Variants in NANP observed in about 807,000 individuals in gnomAD.
NANP encodes the protein N-acetylneuraminic acid phosphatase, also known as N-acylneuraminate-9-phosphatase.
A neutral mutation model predicts 16.9 loss-of-function variants in NANP; 15 were observed. The ratio of observed to expected loss-of-function variants is 0.89; its 90% CI spans 0.59 to 1.37. NANP has a LOEUF of 1.37. NANP is among the 40% of genes most tolerant of loss of function. NANP has a pLI of 0.00. For missense variants in NANP, 290 were observed against 303.5 expected (o/e 0.96, Z 0.33); for synonymous variants, 135 against 112.6 (o/e 1.20, Z -1.26).
chr20:25,619,384 G>C (rs948650506), intron 1 of NANP, among the ~76,000 whole-genome samples: 1 of 152,042 alleles, frequency 6.6e-6, no homozygotes, highest in Non-Finnish European at 1.5e-5. Flanking sequence ...GCCTTCCAAA[G>C]TGCTGGGAAT....
chr20:25,616,811 T>C (rs139069695), intron 1 of NANP, among the ~76,000 whole-genome samples: 1 of 152,316 alleles, frequency 6.6e-6, no homozygotes, highest in African/African-American at 2.4e-5. Context: ...AACTTCTTCA[T>C]ATATAGCTAG....
At chr20:25,623,734 G>T in intron 1 of NANP, 125 bp downstream of exon 1, 1 of 955,518 alleles carries the variant, frequency 1.0e-6, no homozygotes, top group Non-Finnish European at 1.5e-6. Flanking sequence ...ACGCTCCACA[G>T]GTTTCAACCA....
chr20:25,617,569 T>G (rs1168828857), intron 1 of NANP, among the ~76,000 whole-genome samples: 1 of 152,036 alleles, frequency 6.6e-6, no homozygotes, highest in East Asian at 1.9e-4. Flanking sequence ...CAGGCTGGAG[T>G]GCAGTGGTGC....
chr20:25,620,888 A>G (rs1456407875), intron 1 of NANP, among the ~76,000 whole-genome samples: 1 of 151,986 alleles, frequency 6.6e-6, no homozygotes, highest in Non-Finnish European at 1.5e-5. Context: ...GTGCTAAGTG[A>G]AAATGCTATA....
chr20:25,618,072 A>T (rs2065350550), intron 1 of NANP, among the ~76,000 whole-genome samples: 1 of 152,090 alleles, frequency 6.6e-6, no homozygotes, highest in Non-Finnish European at 1.5e-5. Context: ...CTGCATCCAT[A>T]CCTGCTTACT....
At chr20:25,616,646 T>C in intron 1 of NANP, 65 bp from the exon 2 acceptor site, 2 of 1,315,028 alleles carry the variant, frequency 1.5e-6, no homozygotes, top group Non-Finnish European at 2.1e-6. Flanking sequence ...CCTAGGAAGC[T>C]GTGATCCTAC....
intron 1 of NANP, among the ~76,000 whole-genome samples, chr20:25,622,482 T>A (rs2065368939): frequency 6.6e-6 from 1 of 152,204 alleles, no homozygotes; most frequent in Non-Finnish European, 1.5e-5. Context: ...TATTCAAATG[T>A]CTGATTTTAA....
Position 25,615,714 on chromosome 20 carries a change from A to T in NANP, c.*211T>A, listed in dbSNP as rs1368283534. ...CTATACTACTGACCTGAATTCATGC[A>T]ATCTGAATTTTCAGATATAAGTACC... On this transcript the variant is annotated 3_prime_UTR_variant, in exon 2 of 2. Coordinates refer to ENST00000304788, the MANE Select transcript of NANP (RefSeq NM_152667.3). The T allele has an allele frequency of 1.9e-6, 1 of 529,842 alleles. No individual in the cohort carries two copies. The highest frequency in any genetic ancestry group is 3.1e-5 in the South Asian group (1 of 31,810). The allele number at this position is 529,842 out of a possible 1,614,324, so 32.8% of individuals were successfully genotyped here.
In NANP at chr20:25,616,523, T is replaced by C; in HGVS notation, c.149A>G (p.Asp50Gly). The change falls in exon 2 of 2, where the codon GAT (aspartate) becomes GGT (glycine). Residue 50 changes from aspartate to glycine, a missense_variant. Physicochemically the swap from Asp to Gly is moderately conservative, Grantham distance 94 (BLOSUM62 -1). Coordinates refer to ENST00000304788, the MANE Select transcript of NANP (RefSeq NM_152667.3). ...CTTGCTGAGTTTAACTTGAACTTTA[T>C]CACAGATGATTTCAGCCTCTTCTTT... is the stretch of plus-strand genomic sequence containing the variant. ...HYKEEAEIICDKVQVKLSKEC... is the reference protein window; with the variant it reads ...HYKEEAEIICGKVQVKLSKEC... 6.2e-7 allele frequency: 1 copy of C among 1,612,020 alleles called. No homozygotes were observed. Among genetic ancestry groups the C allele is most frequent in the Non-Finnish European group, 8.5e-7 (1 of 1,179,212 alleles).
At chr20:25,620,010 T>A (rs1322905696) in intron 1 of NANP, among the ~76,000 whole-genome samples, 1 of 152,192 alleles carries the variant, frequency 6.6e-6, no homozygotes, top group Admixed American at 6.5e-5. Flanking sequence ...TCAATTAACT[T>A]CCTCATTTTG....
At chr20:25,618,843 T>C (rs968806539) in intron 1 of NANP, among the ~76,000 whole-genome samples, 1 of 152,100 alleles carries the variant, frequency 6.6e-6, no homozygotes, top group African/African-American at 2.4e-5. Flanking sequence ...CTTCCCCTTC[T>C]TGTCTCCCCG....
At chr20:25,618,163 G>C (rs950997956) in intron 1 of NANP, among the ~76,000 whole-genome samples, 2 of 128,432 alleles carry the variant, frequency 1.6e-5, no homozygotes, top group African/African-American at 2.9e-5. Context: ...TATCTGGTGG[G>C]GAATATAATA....
rs1467348896 is a variant in NANP, at chr20:25,616,191, T to C, written c.481A>G (p.Arg161Gly). Residue 161 changes from arginine (R) to glycine (G), a missense_variant, in exon 2 of 2, where the codon AGA becomes GGA. By Grantham distance (125) the Arg-to-Gly change is moderately radical. Coordinates refer to ENST00000304788, the MANE Select transcript of NANP (RefSeq NM_152667.3). Reference sequence around the variant, plus strand: ...ATGGACGGTGCTGGTTTCTCCTCTCTCTGCTCTCCACCTACAACAACAGCG... The same window carrying C: ...ATGGACGGTGCTGGTTTCTCCTCTCCCTGCTCTCCACCTACAACAACAGCG... ...FDAVVVGGEQREEKPAPSIFY... is the reference protein window; with the variant it reads ...FDAVVVGGEQGEEKPAPSIFY... 1.9e-6 allele frequency: 3 copies of C among 1,614,112 alleles called. No homozygotes were observed. In the South Asian group the frequency reaches 3.3e-5, roughly 18 times the overall value.
chr20:25,614,031 A>T lies in NANP; in HGVS notation c.*1894T>A, dbSNP rs910892459. On this transcript the variant is annotated 3_prime_UTR_variant, in exon 2 of 2. Transcript: ENST00000304788. ...ATGATCAAGGTCATATGGGTACTGC[A>T]TTTGAAACTACAAACATCCTCTGTT... The T allele has an allele frequency of 1.3e-5, 5 of 392,878 alleles. No homozygotes were observed. Among genetic ancestry groups the T allele is most frequent in the Non-Finnish European group, 2.2e-5 (5 of 222,966 alleles). The allele number at this position is 392,878 out of a possible 1,614,324, so 24.3% of individuals were successfully genotyped here.
chr20:25,621,615 C>T (rs1290683725), intron 1 of NANP, among the ~76,000 whole-genome samples: 4 of 152,178 alleles, frequency 2.6e-5, no homozygotes, highest in African/African-American at 9.7e-5. Context: ...AGTGCAGTGG[C>T]GCGATCTCGG....
At position 25,616,252 on chromosome 20, in the gene NANP, C is replaced by T; in HGVS notation, c.420G>A (p.Glu140=). ...ACTGACAGGCACAAGCCTCAATCTT[C>T]TCCCTCTGGGTCTGTCTGTCCCCAT... ...LTNGDRQTQR[E]KIEACACQSY... is the part of the protein sequence containing the mutation. Residue 140 remains glutamate (E), a synonymous_variant, in exon 2 of 2, where the codon GAG becomes GAA. Transcript: ENST00000304788. 1 of 1,614,224 alleles carries T rather than the reference C, an allele frequency of 6.2e-7. No individual in the cohort carries two copies. Among genetic ancestry groups the T allele is most frequent in the Non-Finnish European group, 8.5e-7 (1 of 1,180,042 alleles).
At chr20:25,619,874 T>C (rs1370431493) in intron 1 of NANP, among the ~76,000 whole-genome samples, 1 of 152,182 alleles carries the variant, frequency 6.6e-6, no homozygotes, top group Non-Finnish European at 1.5e-5. Flanking sequence ...TTACTTCAAC[T>C]GGCACTTCAT....
At position 25,623,943 on chromosome 20, in the gene NANP, C is replaced by A. The variant is rs1310561228; in HGVS notation, c.6G>T (p.Gly2=). 6.2e-7 allele frequency: 1 copy of A among 1,612,644 alleles called. No homozygotes were observed. The highest frequency in any genetic ancestry group is 8.5e-7 in the Non-Finnish European group (1 of 1,179,622). ...AGAAAACCGCCCGCACGCGGCTCAG[C>A]CCCATAGCGCCGGCCGCTGGCGCGA... M[G]LSRVRAVFFD... is the part of the protein sequence containing the mutation. Residue 2 remains glycine, a synonymous_variant, in exon 1 of 2, where the codon GGG becomes GGT. Coordinates refer to ENST00000304788, the MANE Select transcript of NANP (RefSeq NM_152667.3).
rs768912865 is a variant in NANP at position 25,616,340 on chromosome 20, G to C, written c.332C>G (p.Ala111Gly). The C allele has an allele frequency of 6.2e-7, 1 of 1,614,014 alleles. No homozygotes were observed. The highest frequency in any genetic ancestry group is 8.5e-7 in the Non-Finnish European group (1 of 1,180,026). The change falls in exon 2 of 2, where the codon GCA becomes GGA. Residue 111 changes from alanine (A) to glycine (G), a missense_variant. Physicochemically the swap from Ala to Gly is moderately conservative, Grantham distance 60. Coordinates refer to ENST00000304788, the MANE Select transcript of NANP (RefSeq NM_152667.3). ...AGTAAGCATGGCTTTGACGTCTTCT[G>C]CTAGTGTCATATGCTGTAAACGTGT... ...KSTRLQHMTL[A>G]EDVKAMLTEL... is the part of the protein sequence containing the mutation.
Sources: allele counts gnomAD v4.1 joint callset (sites outside exome capture counted in the v4.1 genomes callset), GRCh38; gene constraint gnomAD v4.1.1; transcripts MANE v1.5; gene names NCBI Gene and HGNC (gene_info 2026-07-23, HGNC 2026-07-21).